The following SLC9A9 variants were observed in gnomAD, a reference collection of about 807,000 sequenced individuals.
The protein encoded by SLC9A9 is solute carrier family 9 member A9, also known as sodium/hydrogen exchanger 9.
In SLC9A9, 62 loss-of-function variants were observed where a neutral mutation model predicts 77.8. The ratio of observed to expected loss-of-function variants is 0.80; its 90% CI spans 0.65 to 0.98. The LOEUF (loss-of-function observed/expected upper bound fraction) is 0.98. Among genes scored for constraint, SLC9A9 ranks in the 50% least tolerant of loss-of-function variants. The pLI, the probability that SLC9A9 is intolerant of heterozygous loss-of-function variation, is 0.00. For synonymous variants in SLC9A9, 320 were observed against 283.5 expected, an observed-to-expected ratio of 1.13 and a Z score of -1.29; for missense variants, 775 against 774.9, an observed-to-expected ratio of 1.00 and a Z score of 0.00.
chr3:143,610,256 C>G (rs866199170), intron 6 of SLC9A9, among the ~76,000 whole-genome samples: 11 of 152,078 alleles, frequency 7.2e-5, no homozygotes, highest in Admixed American at 5.9e-4. Context: ...TCAAGCAATC[C>G]TCCCACCTCA....
chr3:143,272,392 T>C (rs1022285197), intron 14 of SLC9A9, among the ~76,000 whole-genome samples: 4 of 152,162 alleles, frequency 2.6e-5, no homozygotes, highest in Non-Finnish European at 5.9e-5. Context: ...TATGAAATAG[T>C]AGTTGAATTA....
chr3:143,819,969 C>T lies in SLC9A9; in HGVS notation c.378+12050G>A, dbSNP rs555949704. Among the ~76,000 whole-genome samples, 74 of 152,282 alleles carry T rather than the reference C, an allele frequency of 4.9e-4. No individual in the cohort carries two copies. The South Asian group carries it at 0.015, about 31-fold the overall frequency. On this transcript the variant is annotated intron_variant, in intron 2 of 15. Coordinates refer to ENST00000316549, the MANE Select transcript of SLC9A9 (RefSeq NM_173653.4). ...CCTACCTTGTAAATAGCCAAGGCCT[C>T]GACTCAAATCATAGCTTCTAATTGC...
At chr3:143,558,356 C>T (rs1419473494) in intron 8 of SLC9A9, among the ~76,000 whole-genome samples, 1 of 152,172 alleles carries the variant, frequency 6.6e-6, no homozygotes, top group Non-Finnish European at 1.5e-5. Context: ...GACCACTGTC[C>T]TCTAGACCCC....
intron 14 of SLC9A9, among the ~76,000 whole-genome samples, chr3:143,344,983 T>C (rs1419467327): frequency 2.0e-5 from 3 of 152,200 alleles, no homozygotes; most frequent in African/African-American, 7.2e-5. Flanking sequence ...AAAAGATGAT[T>C]TCCATAATAA....
chr3:143,575,404 T>C (rs2037341543), intron 7 of SLC9A9, among the ~76,000 whole-genome samples: 1 of 152,202 alleles, frequency 6.6e-6, no homozygotes, highest in Non-Finnish European at 1.5e-5. Flanking sequence ...TAATACCACC[T>C]ACCTCAGAGG....
At chr3:143,525,674 T>A (rs2036391833) in intron 9 of SLC9A9, among the ~76,000 whole-genome samples, 1 of 152,216 alleles carries the variant, frequency 6.6e-6, no homozygotes, top group South Asian at 2.1e-4. Flanking sequence ...CTTTCAAACA[T>A]GCCCCTTCAC....
intron 12 of SLC9A9, among the ~76,000 whole-genome samples, chr3:143,440,017 A>G (rs1242749231): frequency 1.3e-5 from 2 of 152,254 alleles, no homozygotes; most frequent in Non-Finnish European, 1.5e-5. Flanking sequence ...CCAGAGCAGC[A>G]GAATTAACCA....
chr3:143,542,722 A>G (rs1242780929), intron 9 of SLC9A9, among the ~76,000 whole-genome samples: 1 of 152,222 alleles, frequency 6.6e-6, no homozygotes, highest in East Asian at 1.9e-4. Flanking sequence ...TAATTAGCAT[A>G]TATTCTCTTC....
At chr3:143,557,276 A>C (rs1054520053) in intron 8 of SLC9A9, among the ~76,000 whole-genome samples, 1 of 152,222 alleles carries the variant, frequency 6.6e-6, no homozygotes, top group African/African-American at 2.4e-5. Context: ...TCAGCCTTGC[A>C]GAACTGTGAG....
intron 4 of SLC9A9, among the ~76,000 whole-genome samples, chr3:143,786,467 G>A (rs1377097728): frequency 6.6e-6 from 1 of 152,088 alleles, no homozygotes; most frequent in East Asian, 1.9e-4. Flanking sequence ...AGCTAGATTG[G>A]TGAATGATAC....
intron 4 of SLC9A9, among the ~76,000 whole-genome samples, chr3:143,760,563 C>A (rs181306920): frequency 5.9e-5 from 9 of 152,058 alleles, no homozygotes; most frequent in African/African-American, 1.7e-4. Flanking sequence ...AGACAGAGAG[C>A]CAAATCATGA....
rs1310797055 is a variant in SLC9A9, at chr3:143,288,868, C to T, written c.1605-19888G>A. Reference sequence around the variant, plus strand: ...CAAATGACACTGGAAGATCCAAGGACTATCAAAGCAAGTTAAAGCTCTAAT... The same window carrying T: ...CAAATGACACTGGAAGATCCAAGGATTATCAAAGCAAGTTAAAGCTCTAAT... On this transcript the variant is annotated intron_variant, in intron 14 of 15. Coordinates refer to ENST00000316549, the MANE Select transcript of SLC9A9 (RefSeq NM_173653.4). Among the ~76,000 whole-genome samples, 4 of 152,198 alleles carry T rather than the reference C, an allele frequency of 2.6e-5. No individual in the cohort carries two copies. In the East Asian group the frequency reaches 7.7e-4, roughly 29 times the overall value.
At chr3:143,750,782 C>T (rs1315002412) in intron 4 of SLC9A9, among the ~76,000 whole-genome samples, 1 of 148,822 alleles carries the variant, frequency 6.7e-6, no homozygotes, top group African/African-American at 2.5e-5. Flanking sequence ...ATATTTATAA[C>T]AAATATTTGT....
intron 14 of SLC9A9, among the ~76,000 whole-genome samples, chr3:143,306,673 G>A (rs1397077299): frequency 1.3e-5 from 2 of 152,090 alleles, no homozygotes; most frequent in African/African-American, 2.4e-5. Flanking sequence ...CCTCCTGCTT[G>A]GAATCCTGCC....
chr3:143,721,222 T>C (rs1553784881), intron 4 of SLC9A9, among the ~76,000 whole-genome samples: 1 of 151,970 alleles, frequency 6.6e-6, no homozygotes, highest in East Asian at 1.9e-4. Context: ...CATTACCAGG[T>C]ATAATCTTTG....
At position 143,574,094 on chromosome 3, in the gene SLC9A9, G is replaced by A; in HGVS notation, c.994C>T (p.Leu332=). 1 of 1,613,004 alleles carries A rather than the reference G, an allele frequency of 6.2e-7. No homozygotes were observed. Residue 332 remains leucine (L), a synonymous_variant, in exon 8 of 16, where the codon CTA becomes TTA. Transcript: ENST00000316549. The part of the protein sequence containing the change: ...SAFLSAEAAG[L]TGIVAVLFCG... ...TGCAGCATGAAGCACTGACCTGTTA[G>A]GCCGGCAGCCTCGGCAGACAGGAAG...
chr3:143,746,353 C>G (rs537558359), intron 4 of SLC9A9, among the ~76,000 whole-genome samples: 1 of 152,272 alleles, frequency 6.6e-6, no homozygotes, highest in East Asian at 1.9e-4. Context: ...CCTAGGTTCT[C>G]TTTTTTTCTC....
Position 143,266,576 on chromosome 3 carries a change from G to A in SLC9A9, c.*126C>T. 2 of 925,524 alleles carry A rather than the reference G, an allele frequency of 2.2e-6. No homozygotes were observed. Among genetic ancestry groups the A allele is most frequent in the South Asian group, 2.9e-5 (2 of 70,174 alleles). 57.3% of individuals were successfully genotyped at this position (925,524 alleles called of 1,614,324 possible). ...CAGAGGATCCATGTGACAAGGCTTT[G>A]ATTCTCTCCAATTTATGCTCTTAAT... is the stretch of plus-strand genomic sequence containing the variant. On this transcript the variant is annotated 3_prime_UTR_variant, in exon 16 of 16. Coordinates refer to ENST00000316549, the MANE Select transcript of SLC9A9 (RefSeq NM_173653.4).
intron 4 of SLC9A9, among the ~76,000 whole-genome samples, chr3:143,761,984 A>G (rs2007141163): frequency 6.6e-6 from 1 of 152,240 alleles, no homozygotes; most frequent in Non-Finnish European, 1.5e-5. Context: ...AATGTGGCAT[A>G]TATACACCAT....
Sources: gnomAD v4.1 joint callset for allele counts (sites outside exome capture counted in the v4.1 genomes callset) on GRCh38, gnomAD v4.1.1 for gene constraint, MANE v1.5 for transcripts, NCBI Gene and HGNC (gene_info 2026-07-23, HGNC 2026-07-21) for gene names.